Variants in CDKAL1 observed in about 807,000 individuals in gnomAD.
The protein encoded by CDKAL1 is threonylcarbamoyladenosine tRNA methylthiotransferase.
A neutral mutation model predicts 68.2 loss-of-function variants in CDKAL1; 32 were observed. The observed-to-expected ratio is 0.47, with a 90% CI of 0.35 to 0.63. The LOEUF (loss-of-function observed/expected upper bound fraction) is 0.63. Among genes scored for constraint, CDKAL1 ranks in the 30% least tolerant of loss-of-function variants. The pLI is 0.00. For missense variants in CDKAL1, 606 were observed against 696.7 expected, an observed-to-expected ratio of 0.87 and a Z score of 1.47; for synonymous variants, 234 against 244.3, an observed-to-expected ratio of 0.96 and a Z score of 0.39.
chr6:21,188,976 G>A (rs890622871), intron 13 of CDKAL1, among the ~76,000 whole-genome samples: 1 of 152,176 alleles, frequency 6.6e-6, no homozygotes, highest in Non-Finnish European at 1.5e-5. Flanking sequence ...AGGCATCAGT[G>A]TGGCATTTCC....
At chr6:20,795,839 A>G (rs545151822) in intron 8 of CDKAL1, among the ~76,000 whole-genome samples, 5 of 152,294 alleles carry the variant, frequency 3.3e-5, no homozygotes, top group East Asian at 1.9e-4. Flanking sequence ...GTGAACTTCT[A>G]TGTAAGGCTT....
At chr6:20,759,523 C>G (rs1774376438) in intron 7 of CDKAL1, among the ~76,000 whole-genome samples, 1 of 152,144 alleles carries the variant, frequency 6.6e-6, no homozygotes, top group East Asian at 1.9e-4. Flanking sequence ...GCCCAGTTGA[C>G]AGAGCGAGAC....
intron 9 of CDKAL1, among the ~76,000 whole-genome samples, chr6:20,928,392 T>C (rs1335360300): frequency 1.3e-5 from 2 of 152,232 alleles, no homozygotes; most frequent in South Asian, 2.1e-4. Context: ...CATTTAAACA[T>C]AGCCCAGGAG....
intron 11 of CDKAL1, among the ~76,000 whole-genome samples, chr6:21,040,329 T>C (rs1483133573): frequency 2.0e-5 from 3 of 152,192 alleles, no homozygotes; most frequent in Non-Finnish European, 4.4e-5. Flanking sequence ...AGTCACTCAT[T>C]TTTTAGTCAT....
At chr6:20,775,872 T>G (rs1051771583) in intron 7 of CDKAL1, among the ~76,000 whole-genome samples, 1 of 152,362 alleles carries the variant, frequency 6.6e-6, no homozygotes, top group East Asian at 1.9e-4. Context: ...AGTTTTGTTC[T>G]GCTACTCCAT....
At chr6:20,768,858 T>C (rs1044010903) in intron 7 of CDKAL1, among the ~76,000 whole-genome samples, 1 of 152,114 alleles carries the variant, frequency 6.6e-6, no homozygotes, top group Non-Finnish European at 1.5e-5. Context: ...GAATGTTTGC[T>C]GGGAGAGGGA....
intron 4 of CDKAL1, among the ~76,000 whole-genome samples, chr6:20,589,463 C>T (rs1190288801): frequency 6.6e-6 from 1 of 152,148 alleles, no homozygotes; most frequent in African/African-American, 2.4e-5. Flanking sequence ...AAAGGCTTAG[C>T]TTTGTAAGTA....
At chr6:21,105,154 A>G (rs1773785539) in intron 12 of CDKAL1, among the ~76,000 whole-genome samples, 1 of 152,236 alleles carries the variant, frequency 6.6e-6, no homozygotes, top group Non-Finnish European at 1.5e-5. Flanking sequence ...GTATATGGGA[A>G]GAAAAGAAAA....
intron 11 of CDKAL1, among the ~76,000 whole-genome samples, chr6:21,042,939 T>C (rs568633690): frequency 1.4e-4 from 22 of 152,308 alleles, no homozygotes; most frequent in African/African-American, 5.3e-4. Context: ...GCTGAGAGTG[T>C]ATAAAAAACA....
intron 4 of CDKAL1, among the ~76,000 whole-genome samples, chr6:20,644,564 C>T (rs1768345743): frequency 6.6e-6 from 1 of 152,090 alleles, no homozygotes; most frequent in Admixed American, 6.5e-5. Context: ...CCTGTAGTCC[C>T]AGCTACTCAG....
At chr6:20,721,814 C>T (rs188673808) in intron 5 of CDKAL1, among the ~76,000 whole-genome samples, 100 of 148,102 alleles carry the variant, frequency 6.8e-4, no homozygotes, top group Admixed American at 1.2e-3. Flanking sequence ...CTCACTGCAA[C>T]CTCCGCCTCC....
rs773185500 is a variant in CDKAL1 at position 20,838,974 on chromosome 6, C to CA, written c.639-7085dup. ...TGGGAGACAGAGCGAGACTCCATCT[C>CA]AAAAAAAAAAAAAAAATTCTAACTG... On this transcript the variant is annotated intron_variant, in intron 8 of 15. Coordinates refer to ENST00000274695, the MANE Select transcript of CDKAL1 (RefSeq NM_017774.3). Among the ~76,000 whole-genome samples the CA allele has an allele frequency of 6.4e-3, 640 of 99,326 alleles. 3 individuals carry two copies. Among genetic ancestry groups the CA allele is most frequent in the Middle Eastern group, 0.027 (4 of 150 alleles). The allele number at this position is 99,326 out of a possible 152,430, so 65.2% of individuals were successfully genotyped here.
chr6:20,914,997 A>G (rs1006264243), intron 9 of CDKAL1, among the ~76,000 whole-genome samples: 1 of 152,126 alleles, frequency 6.6e-6, no homozygotes, highest in African/African-American at 2.4e-5. Context: ...TATAGAATTT[A>G]CTTTCTGAAA....
chr6:20,695,174 CTG>C (rs776801110), intron 5 of CDKAL1, among the ~76,000 whole-genome samples: 2 of 152,034 alleles, frequency 1.3e-5, no homozygotes, highest in East Asian at 1.9e-4. Context: ...TATTTTAAGA[CTG>C]TGTTTTTCTG....
At chr6:21,064,979 A>C (rs556582932) in intron 11 of CDKAL1, 69 bp from the exon 12 acceptor site, 39 of 908,338 alleles carry the variant, frequency 4.3e-5, no homozygotes, top group Middle Eastern at 6.3e-4. Flanking sequence ...TTGTATTTAA[A>C]ATGTCAGGGA....
At chr6:20,560,215 T>C (rs1174884827) in intron 4 of CDKAL1, among the ~76,000 whole-genome samples, 1 of 152,238 alleles carries the variant, frequency 6.6e-6, no homozygotes, top group Non-Finnish European at 1.5e-5. Context: ...TTAGGCGTCA[T>C]TAAATTAGTT....
chr6:20,595,146 G>C (rs976972870), intron 4 of CDKAL1, among the ~76,000 whole-genome samples: 4 of 152,122 alleles, frequency 2.6e-5, no homozygotes, highest in African/African-American at 4.8e-5. Context: ...ACGATTATGT[G>C]TCTTGGGGAT....
At chr6:20,541,576 T>A (rs1207457019) in intron 2 of CDKAL1, among the ~76,000 whole-genome samples, 1 of 152,192 alleles carries the variant, frequency 6.6e-6, no homozygotes, top group Non-Finnish European at 1.5e-5. Flanking sequence ...GAACTGGTCA[T>A]TGTGGCCAGG....
intron 9 of CDKAL1, among the ~76,000 whole-genome samples, chr6:20,896,938 C>T (rs1761719426): frequency 6.6e-6 from 1 of 152,196 alleles, no homozygotes; most frequent in Admixed American, 6.5e-5. Context: ...AAATTATTTT[C>T]TACTTGGACC....
Sources: gnomAD v4.1 joint callset for allele counts (sites outside exome capture counted in the v4.1 genomes callset) on GRCh38, gnomAD v4.1.1 for gene constraint, MANE v1.5 for transcripts, NCBI Gene and HGNC (gene_info 2026-07-23, HGNC 2026-07-21) for gene names.